RASAL2: variants seen among roughly 807,000 people sequenced by gnomAD.
RASAL2 encodes the protein RAS protein activator like 2.
RASAL2 carries 58 observed loss-of-function variants against 128.9 expected under a neutral mutation model. The ratio of observed to expected loss-of-function variants is 0.45; its 90% CI spans 0.36 to 0.56. The LOEUF is 0.56. Ranked by LOEUF, RASAL2 falls within the 20% of genes least tolerant of loss-of-function variation. The pLI is 0.00. For synonymous variants in RASAL2, 561 were observed against 580.8 expected, an observed-to-expected ratio of 0.97 and a Z score of 0.49; for missense variants, 1,360 against 1,601.6, an observed-to-expected ratio of 0.85 and a Z score of 2.57.
chr1:178,417,442 A>G (rs1203204433), intron 4 of RASAL2, among the ~76,000 whole-genome samples: 1 of 152,122 alleles, frequency 6.6e-6, no homozygotes, highest in Non-Finnish European at 1.5e-5. Flanking sequence ...AATGTATCAT[A>G]TTATGTCATA....
chr1:178,372,858 A>C (rs1197376596), intron 3 of RASAL2, among the ~76,000 whole-genome samples: 2 of 152,146 alleles, frequency 1.3e-5, no homozygotes, highest in South Asian at 4.1e-4. Context: ...CTTTCTAATA[A>C]ATTTCTAAGT....
intron 1 of RASAL2, among the ~76,000 whole-genome samples, chr1:178,254,332 C>T (rs139639764): frequency 5.8e-4 from 88 of 152,234 alleles, no homozygotes; most frequent in South Asian, 1.0e-3. Context: ...ATATTTTGTA[C>T]GTTTCATATA....
intron 3 of RASAL2, among the ~76,000 whole-genome samples, chr1:178,379,633 A>G (rs1672172968): frequency 1.3e-5 from 2 of 152,188 alleles, no homozygotes; most frequent in South Asian, 2.1e-4. Flanking sequence ...TTTAAAAGCA[A>G]AAAGTACCTC....
intron 2 of RASAL2, among the ~76,000 whole-genome samples, chr1:178,285,311 G>A (rs1383460496): frequency 6.6e-6 from 1 of 150,544 alleles, no homozygotes; most frequent in Non-Finnish European, 1.5e-5. Context: ...TAGTAGAGAC[G>A]GGGTTTCACC....
chr1:178,418,146 C>T (rs963318370), intron 4 of RASAL2, among the ~76,000 whole-genome samples: 3 of 152,096 alleles, frequency 2.0e-5, no homozygotes, highest in African/African-American at 7.2e-5. Context: ...CACCACCCTG[C>T]TATGCAGTTG....
rs1220137299 is a variant in RASAL2 at position 178,445,597 on chromosome 1, T to G, written c.1562T>G (p.Ile521Ser). 1 of 1,613,924 alleles carries G rather than the reference T, an allele frequency of 6.2e-7. No homozygotes were observed. The highest frequency in any genetic ancestry group is 1.1e-5 in the South Asian group (1 of 91,072). Residue 521 changes from isoleucine (I) to serine (S), a missense_variant, in exon 9 of 18, where the codon ATT (isoleucine) becomes AGT (serine). Around this residue, in one of 3 missense-constraint regions of RASAL2, gnomAD observed 617 missense variants for 714.2 expected, o/e 0.86. Coordinates refer to ENST00000367649, the MANE Select transcript of RASAL2 (RefSeq NM_170692.4). ...GTCTTGATCTTCAGAGAGAACACTA[T>G]TGCCACCAAATCCATTGAGGAATAC... The part of the protein sequence containing the change: ...HDVLIFRENT[I>S]ATKSIEEYLK...
intron 3 of RASAL2, among the ~76,000 whole-genome samples, chr1:178,384,889 T>C (rs975108598): frequency 5.3e-5 from 8 of 152,154 alleles, no homozygotes; most frequent in African/African-American, 1.7e-4. Context: ...ATTTATGTTA[T>C]TTATAATAGT....
At chr1:178,197,693 ATTC>A (rs1256576430) in intron 1 of RASAL2, among the ~76,000 whole-genome samples, 2 of 152,092 alleles carry the variant, frequency 1.3e-5, no homozygotes, top group East Asian at 1.9e-4. Flanking sequence ...TTCTAGAGAA[ATTC>A]TTCTTTTTAA....
chr1:178,360,197 C>T (rs930768664), intron 3 of RASAL2, among the ~76,000 whole-genome samples: 2 of 152,146 alleles, frequency 1.3e-5, no homozygotes, highest in Admixed American at 6.5e-5. Context: ...AGATAGCCAG[C>T]CAGTTCTTTC....
chr1:178,405,283 T>C (rs577706972), intron 4 of RASAL2, among the ~76,000 whole-genome samples: 5 of 152,184 alleles, frequency 3.3e-5, no homozygotes, highest in East Asian at 1.9e-4. Context: ...TTGCAAAATA[T>C]TGTAAACAGC....
At chr1:178,157,917 C>T (rs1254725372) in intron 1 of RASAL2, among the ~76,000 whole-genome samples, 3 of 152,100 alleles carry the variant, frequency 2.0e-5, no homozygotes, top group Non-Finnish European at 2.9e-5. Flanking sequence ...TAACTGGTTT[C>T]AACCCTACAC....
chr1:178,386,510 T>A (rs1487222660), intron 3 of RASAL2, among the ~76,000 whole-genome samples: 1 of 152,204 alleles, frequency 6.6e-6, no homozygotes, highest in Admixed American at 6.5e-5. Context: ...AGGTTATCTC[T>A]CATCATTTTA....
intron 1 of RASAL2, among the ~76,000 whole-genome samples, chr1:178,264,393 G>T (rs970950357): frequency 6.6e-6 from 1 of 152,072 alleles, no homozygotes; most frequent in South Asian, 2.1e-4. Context: ...GTTTGGAATT[G>T]CCTTCTACTT....
chr1:178,283,652 CACAG>C lies in RASAL2; in HGVS notation c.296_299del (p.Asp99AlafsTer30). On this transcript the variant is annotated frameshift_variant, in exon 2 of 18. Transcript: ENST00000367649. LOFTEE classifies it high-confidence loss of function. The stretch of plus-strand genomic sequence containing the variant: ...CGTGGGAGCGGAAGTATTGCATCCT[CACAG>C]ACAGCCAGTTGGTATTGCTCAACAA... 1 of 1,613,706 alleles carries C rather than the reference CACAG, an allele frequency of 6.2e-7. No individual in the cohort carries two copies. Among genetic ancestry groups the C allele is most frequent in the Non-Finnish European group, 8.5e-7 (1 of 1,179,880 alleles).
chr1:178,366,098 T>C (rs1671384505), intron 3 of RASAL2, among the ~76,000 whole-genome samples: 1 of 152,208 alleles, frequency 6.6e-6, no homozygotes, highest in Admixed American at 6.5e-5. Context: ...TTAATTTTTG[T>C]TCTTGGTTTA....
intron 1 of RASAL2, among the ~76,000 whole-genome samples, chr1:178,190,328 CA>C (rs1428274003): frequency 6.7e-6 from 1 of 149,714 alleles, no homozygotes; most frequent in Non-Finnish European, 1.5e-5. Flanking sequence ...TTTATAAAAC[CA>C]AAAGAATACT....
intron 4 of RASAL2, chr1:178,411,897 T>C: frequency 1.4e-6 from 1 of 694,280 alleles, no homozygotes. Context: ...CTGGGGCCAG[T>C]CGGCCTTCAG....
At chr1:178,318,908 G>T (rs1303672378) in intron 3 of RASAL2, among the ~76,000 whole-genome samples, 1 of 151,768 alleles carries the variant, frequency 6.6e-6, no homozygotes, top group Non-Finnish European at 1.5e-5. Flanking sequence ...TTACATTTTG[G>T]CATGATTTTG....
chr1:178,290,731 G>A (rs917636203), intron 2 of RASAL2, among the ~76,000 whole-genome samples: 6 of 151,810 alleles, frequency 4.0e-5, no homozygotes, highest in Non-Finnish European at 7.4e-5. Flanking sequence ...GCTGAAGTGC[G>A]GTGGTGCGAT....
Sources: allele counts gnomAD v4.1 joint callset (sites outside exome capture counted in the v4.1 genomes callset), GRCh38; gene constraint gnomAD v4.1.1; regional missense constraint gnomAD v4.1.1; transcripts MANE v1.5; gene names NCBI Gene and HGNC (gene_info 2026-07-23, HGNC 2026-07-21).